Variants in MSRA observed in about 807,000 individuals in gnomAD.
The protein encoded by MSRA is methionine sulfoxide reductase A.
Under a neutral mutation model 31.3 loss-of-function variants are expected in MSRA, and 54 were observed. The ratio of observed to expected loss-of-function variants is 1.73; its 90% CI spans 1.39 to 2.17. MSRA has a LOEUF of 2.17. MSRA is among the 30% of genes most tolerant of loss of function. The probability of loss-of-function intolerance (pLI) is 0.00; values close to 1 mark genes in which losing one functional copy is unlikely to be tolerated. For synonymous variants in MSRA, 169 were observed against 116.5 expected, an observed-to-expected ratio of 1.45 and a Z score of -2.90; for missense variants, 507 against 300.9, an observed-to-expected ratio of 1.69 and a Z score of -5.07.
At chr8:10,396,537 C>A (rs1432267636) in intron 5 of MSRA, among the ~76,000 whole-genome samples, 1 of 152,154 alleles carries the variant, frequency 6.6e-6, no homozygotes, top group Non-Finnish European at 1.5e-5. Context: ...TGTGTCCTGG[C>A]TATTAAACCC....
In MSRA at chr8:10,325,133, G is replaced by A. The variant is rs367596532; in HGVS notation, c.543+5144G>A. On this transcript the variant is annotated intron_variant, in intron 5 of 5. Coordinates refer to ENST00000317173, the MANE Select transcript of MSRA (RefSeq NM_012331.5). Reference sequence around the variant, plus strand: ...CCTCTGGGTCCACTGTCTCCAAAGGGTCCTTCTCACTCCGATCCAGGGAAG... The same window carrying A: ...CCTCTGGGTCCACTGTCTCCAAAGGATCCTTCTCACTCCGATCCAGGGAAG... 1.9e-4 allele frequency among the ~76,000 whole-genome samples: 29 copies of A among 152,214 alleles called. No homozygotes were observed. In the East Asian group the frequency reaches 5.0e-3, roughly 26 times the overall value.
At chr8:10,407,621 C>T (rs956633491) in intron 5 of MSRA, among the ~76,000 whole-genome samples, 8 of 152,038 alleles carry the variant, frequency 5.3e-5, no homozygotes, top group African/African-American at 1.7e-4. Flanking sequence ...AGAATGTCTC[C>T]GGGTTTGCAC....
Position 10,346,410 on chromosome 8 carries a change from T to C in MSRA, c.543+26421T>C, listed in dbSNP as rs189818531. Among the ~76,000 whole-genome samples, 877 of 152,260 alleles carry C rather than the reference T, an allele frequency of 5.8e-3. 5 individuals are homozygous for C. The highest frequency in any genetic ancestry group is 8.1e-3 in the Non-Finnish European group (548 of 68,012). ...TAAGTGTAAACACCCTCCCCCACTC[T>C]AGGGACTGTGCATCCCATCCTGCAT... On this transcript the variant is annotated intron_variant, in intron 5 of 5. Transcript: ENST00000317173.
At chr8:10,143,463 G>A (rs1802874002) in intron 1 of MSRA, among the ~76,000 whole-genome samples, 2 of 152,132 alleles carry the variant, frequency 1.3e-5, no homozygotes, top group Non-Finnish European at 1.5e-5. Context: ...CGCAGCGATT[G>A]TTAATCAGGA....
intron 5 of MSRA, among the ~76,000 whole-genome samples, chr8:10,403,423 C>A (rs1323512183): frequency 6.6e-6 from 1 of 152,202 alleles, no homozygotes; most frequent in Non-Finnish European, 1.5e-5. Context: ...GATGGGATCC[C>A]TTCTCCAGGG....
chr8:10,255,414 C>T (rs1798124896), intron 3 of MSRA, among the ~76,000 whole-genome samples: 1 of 152,192 alleles, frequency 6.6e-6, no homozygotes, highest in Non-Finnish European at 1.5e-5. Context: ...CAGAGCATCC[C>T]GTTCTCCCAG....
chr8:10,363,013 C>T (rs1585586821), intron 5 of MSRA, among the ~76,000 whole-genome samples: 1 of 152,216 alleles, frequency 6.6e-6, no homozygotes, highest in South Asian at 2.1e-4. Context: ...GTTAAGAACA[C>T]TCATAAGAAA....
At chr8:10,297,425 A>T (rs1800605536) in intron 3 of MSRA, among the ~76,000 whole-genome samples, 1 of 152,184 alleles carries the variant, frequency 6.6e-6, no homozygotes, top group South Asian at 2.1e-4. Flanking sequence ...CTATCATGCT[A>T]TGTGCGCGAT....
chr8:10,338,116 C>A (rs938017415), intron 5 of MSRA, among the ~76,000 whole-genome samples: 1 of 152,140 alleles, frequency 6.6e-6, no homozygotes, highest in African/African-American at 2.4e-5. Context: ...GGAAAGAAAA[C>A]TGTGAACCAC....
At chr8:10,163,325 C>A (rs554966712) in intron 1 of MSRA, among the ~76,000 whole-genome samples, 1 of 152,318 alleles carries the variant, frequency 6.6e-6, no homozygotes, top group East Asian at 1.9e-4. Context: ...GTAGACATGT[C>A]ATGGTGGCCG....
intron 1 of MSRA, among the ~76,000 whole-genome samples, chr8:10,068,426 C>A (rs1797568238): frequency 6.6e-6 from 1 of 152,154 alleles, no homozygotes; most frequent in African/African-American, 2.4e-5. Flanking sequence ...CCTGTGTTAT[C>A]TTCTAGGATT....
At chr8:10,232,485 T>G (rs1033431280) in intron 2 of MSRA, among the ~76,000 whole-genome samples, 1 of 152,194 alleles carries the variant, frequency 6.6e-6, no homozygotes, top group Admixed American at 6.5e-5. Context: ...AAACTGCCTT[T>G]CATGAGTGCG....
chr8:10,219,034 C>G (rs1431833860), intron 2 of MSRA, among the ~76,000 whole-genome samples: 1 of 152,144 alleles, frequency 6.6e-6, no homozygotes, highest in Non-Finnish European at 1.5e-5. Flanking sequence ...GGTTTGAGTC[C>G]TGACCCTCAG....
intron 1 of MSRA, among the ~76,000 whole-genome samples, chr8:10,150,407 T>G (rs1803559637): frequency 6.6e-6 from 1 of 152,202 alleles, no homozygotes; most frequent in African/African-American, 2.4e-5. Flanking sequence ...TGCATTATAT[T>G]AATTATCTAT....
chr8:10,212,654 A>G (rs1809606652), intron 2 of MSRA, among the ~76,000 whole-genome samples: 1 of 152,194 alleles, frequency 6.6e-6, no homozygotes, highest in Non-Finnish European at 1.5e-5. Flanking sequence ...CTGATTTTAC[A>G]GTTGCAGTTT....
intron 2 of MSRA, among the ~76,000 whole-genome samples, chr8:10,209,461 A>G (rs568836484): frequency 6.8e-4 from 103 of 152,320 alleles, no homozygotes; most frequent in African/African-American, 2.4e-3. Flanking sequence ...GGCTGATGAC[A>G]TTGTTTGACT....
At chr8:10,288,899 T>G (rs1800079558) in intron 3 of MSRA, among the ~76,000 whole-genome samples, 1 of 152,016 alleles carries the variant, frequency 6.6e-6, no homozygotes, top group Non-Finnish European at 1.5e-5. Flanking sequence ...TGTCTTTGGA[T>G]GACGTGAAGT....
intron 5 of MSRA, among the ~76,000 whole-genome samples, chr8:10,385,812 T>TGGGGGGGGGGGG (rs112720423): frequency 6.9e-6 from 1 of 145,774 alleles, no homozygotes; most frequent in Non-Finnish European, 1.5e-5. Flanking sequence ...TGGTGGGGGG[T>TGGGGGGGGGGGG]GGGGTGTCTT....
In MSRA at chr8:10,131,747, A is replaced by T. The variant is rs184229089; in HGVS notation, c.143-76086A>T. On this transcript the variant is annotated intron_variant, in intron 1 of 5. Coordinates refer to ENST00000317173, the MANE Select transcript of MSRA (RefSeq NM_012331.5). ...GCCAGTGTCCACCCTGCAGCCAGCC[A>T]CTGGGGACTCTGTCGCTGCCTCTTC... 1.4e-3 allele frequency among the ~76,000 whole-genome samples: 217 copies of T among 152,260 alleles called. 1 individual carries two copies. The highest frequency in any genetic ancestry group is 4.8e-3 in the African/African-American group (200 of 41,546).
Sources: allele counts gnomAD v4.1 joint callset (sites outside exome capture counted in the v4.1 genomes callset), GRCh38; gene constraint gnomAD v4.1.1; transcripts MANE v1.5; gene names NCBI Gene and HGNC (gene_info 2026-07-23, HGNC 2026-07-21).